The following AP1S1 variants were observed in gnomAD, a reference collection of about 807,000 sequenced individuals.
The protein encoded by AP1S1 is AP-1 complex subunit sigma-1A.
AP1S1 carries 13 observed loss-of-function variants against 23.9 expected under a neutral mutation model. That is an observed-to-expected ratio of 0.54 (90% CI 0.35 to 0.86). AP1S1 has a LOEUF of 0.86. Ranked by LOEUF, AP1S1 falls within the 40% of genes least tolerant of loss-of-function variation. AP1S1 has a pLI of 0.01. For synonymous variants in AP1S1, 84 were observed against 77.7 expected, an observed-to-expected ratio of 1.08 and a Z score of -0.43; for missense variants, 119 against 197.6, an observed-to-expected ratio of 0.60 and a Z score of 2.38.
intron 4 of AP1S1, among the ~76,000 whole-genome samples, chr7:101,159,962 A>ACG (rs1554366278): frequency 4.7e-5 from 3 of 64,016 alleles, no homozygotes; most frequent in East Asian, 3.4e-4. Context: ...CTTCCCACAC[A>ACG]CGCACACACA....
At chr7:101,160,404 CCCTCCCCCGTGTCTGTG>C (rs1189798929) in intron 4 of AP1S1, 98 bp from the exon 5 acceptor site, 1 of 1,278,746 alleles carries the variant, frequency 7.8e-7, no homozygotes, top group African/African-American at 1.5e-5. Context: ...GCTTCTCTCC[CCCTCCCCCGTGTCTGTG>C]CCTCCCCCGT....
At position 101,154,929 on chromosome 7, in the gene AP1S1, G is replaced by A. The variant is rs190064052; in HGVS notation, c.3+412G>A. 1,175 of 1,072,786 alleles carry A rather than the reference G, an allele frequency of 1.1e-3. 11 individuals are homozygous for A. In the African/African-American group the frequency reaches 0.017, roughly 15 times the overall value. 66.5% of individuals were successfully genotyped at this position (1,072,786 alleles called of 1,614,324 possible). A position where few individuals can be genotyped will look rare whatever the true frequency, so the allele number is the denominator to read the frequency against. ...CCCGGGCTGCACAGGCGGGAGCGGG[G>A]ACCCGGGTGGGGAGAGGGGTGTGGG... On this transcript the variant is annotated intron_variant, in intron 1 of 4. Transcript: ENST00000337619.
At position 101,154,537 on chromosome 7, in the gene AP1S1, A is replaced by T; in HGVS notation, c.3+20A>T. ...AGGATGGTAGGCTGTGCGAAGAGGG[A>T]GGGGAGGGGGAAGCGAGGGGCGTGG... On this transcript the variant is annotated intron_variant, in intron 1 of 4. Transcript: ENST00000337619. 7.2e-7 allele frequency: 1 copy of T among 1,382,978 alleles called. No homozygotes were observed. Among genetic ancestry groups the T allele is most frequent in the Non-Finnish European group, 9.5e-7 (1 of 1,048,362 alleles). 85.7% of individuals were successfully genotyped at this position (1,382,978 alleles called of 1,614,324 possible).
chr7:101,156,871 A>T (rs925153463), intron 2 of AP1S1, 99 bp downstream of exon 2: 10 of 1,035,526 alleles, frequency 9.7e-6, no homozygotes, highest in African/African-American at 1.7e-5. Context: ...GAGACCTGGG[A>T]GCTGAGGACA....
chr7:101,159,930 C>T (rs1797061425), intron 4 of AP1S1, among the ~76,000 whole-genome samples: 1 of 151,494 alleles, frequency 6.6e-6, no homozygotes, highest in Admixed American at 6.6e-5. Flanking sequence ...CTGAACTTGC[C>T]ACCTCACTGG....
intron 1 of AP1S1, 73 bp from the exon 2 acceptor site, chr7:101,156,521 A>G (rs1177498450): frequency 1.3e-6 from 2 of 1,498,666 alleles, no homozygotes; most frequent in Non-Finnish European, 1.8e-6. Context: ...GGAAGAAAGT[A>G]GAGAAGAATT....
intron 3 of AP1S1, 101 bp downstream of exon 3, chr7:101,157,586 G>C: frequency 2.3e-6 from 2 of 888,724 alleles, no homozygotes; most frequent in Non-Finnish European, 3.6e-6. Context: ...AGTTTCAGGG[G>C]AGAGGTGAAG....
At chr7:101,155,762 G>A (rs895957616) in intron 1 of AP1S1, among the ~76,000 whole-genome samples, 20 of 152,130 alleles carry the variant, frequency 1.3e-4, no homozygotes, top group African/African-American at 4.8e-4. Context: ...AATTGAGGTA[G>A]CTTCTCCAGG....
In AP1S1 at chr7:101,156,762, G is replaced by A. The variant is rs1399243394; in HGVS notation, c.172G>A (p.Val58Ile). ...CCTGGAGTGGAGGGACCTCAAAGTT[G>A]TCTATAAGAGGTGACTCCCCACCTA... is the stretch of plus-strand genomic sequence containing the variant. ...SFLEWRDLKV[V>I]YKRYASLYFC... is the part of the protein sequence containing the mutation. The change falls in exon 2 of 5, where the codon GTC becomes ATC. Residue 58 changes from valine to isoleucine, a missense_variant. Transcript: ENST00000337619. The A allele has an allele frequency of 1.3e-6, 2 of 1,567,430 alleles. No homozygotes were observed. Among genetic ancestry groups the A allele is most frequent in the East Asian group, 2.3e-5 (1 of 43,162 alleles).
At position 101,157,427 on chromosome 7, in the gene AP1S1, T is replaced by C; in HGVS notation, c.233T>C (p.Leu78Pro). Residue 78 changes from leucine to proline, a missense_variant, in exon 3 of 5, where the codon CTC becomes CCC. Leu to Pro is a moderately conservative substitution (Grantham distance 98). Coordinates refer to ENST00000337619, the MANE Select transcript of AP1S1 (RefSeq NM_001283.5). ...CCAIEGQDNE[L>P]ITLELIHRYV... ...GCCATCGAGGGCCAAGACAATGAGCTCATCACACTGGAGCTGATCCACCGA... is the reference window on the plus strand; with the variant it reads ...GCCATCGAGGGCCAAGACAATGAGCCCATCACACTGGAGCTGATCCACCGA... 1 of 1,582,954 alleles carries C rather than the reference T, an allele frequency of 6.3e-7. No individual in the cohort carries two copies. Among genetic ancestry groups the C allele is most frequent in the Non-Finnish European group, 8.6e-7 (1 of 1,164,422 alleles).
intron 4 of AP1S1, among the ~76,000 whole-genome samples, chr7:101,160,046 C>G (rs1259968183): frequency 6.6e-6 from 1 of 151,962 alleles, no homozygotes; most frequent in Non-Finnish European, 1.5e-5. Flanking sequence ...ACCAGTGTTG[C>G]GCTCAGACCC....
intron 4 of AP1S1, 110 bp from the exon 5 acceptor site, chr7:101,160,409 C>G: frequency 2.3e-6 from 3 of 1,320,572 alleles, no homozygotes; most frequent in African/African-American, 1.4e-5. Flanking sequence ...TCTCCCCCTC[C>G]CCCGTGTCTG....
chr7:101,157,738 C>A (rs188339461), intron 3 of AP1S1, among the ~76,000 whole-genome samples: 4 of 152,346 alleles, frequency 2.6e-5, no homozygotes, highest in Non-Finnish European at 4.4e-5. Flanking sequence ...GGACTTTTCA[C>A]ACAGAGACCA....
intron 4 of AP1S1, among the ~76,000 whole-genome samples, chr7:101,160,050 C>T (rs571922693): frequency 2.0e-5 from 3 of 152,060 alleles, no homozygotes; most frequent in Non-Finnish European, 2.9e-5. Flanking sequence ...GTGTTGCGCT[C>T]AGACCCTAAT....
chr7:101,156,375 G>A (rs1796991669), intron 1 of AP1S1: 3 of 527,574 alleles, frequency 5.7e-6, no homozygotes. Context: ...GAGGCCCAGA[G>A]ACTTACAGTA....
intron 3 of AP1S1, 80 bp downstream of exon 3, chr7:101,157,565 T>C: frequency 8.9e-7 from 1 of 1,128,066 alleles, no homozygotes; most frequent in South Asian, 1.3e-5. Flanking sequence ...CCCTCCAGTC[T>C]CTGCCCTGGA....
At chr7:101,160,195 T>C (rs1426586396) in intron 4 of AP1S1, among the ~76,000 whole-genome samples, 4 of 151,882 alleles carry the variant, frequency 2.6e-5, no homozygotes, top group Non-Finnish European at 5.9e-5. Context: ...CCCCACCTCC[T>C]TGTCCCGGCT....
At chr7:101,159,036 T>G (rs890789468) in intron 3 of AP1S1, 23 bp from the exon 4 acceptor site, 1 of 1,611,438 alleles carries the variant, frequency 6.2e-7, no homozygotes, top group Non-Finnish European at 8.5e-7. Context: ...CATGCTCAAC[T>G]TAGCCTCTCC....
chr7:101,160,386 T>C (rs1797076973), intron 4 of AP1S1, 133 bp from the exon 5 acceptor site: 2 of 1,095,640 alleles, frequency 1.8e-6, no homozygotes, highest in Non-Finnish European at 1.3e-6. Flanking sequence ...GGCCTTGGGC[T>C]CACATTGGCT....
Sources: gnomAD v4.1 joint callset for allele counts (sites outside exome capture counted in the v4.1 genomes callset) on GRCh38, gnomAD v4.1.1 for gene constraint, MANE v1.5 for transcripts, NCBI Gene and HGNC (gene_info 2026-07-23, HGNC 2026-07-21) for gene names.